The following BTN3A2 variants were observed in gnomAD, a reference collection of about 807,000 sequenced individuals.
BTN3A2 encodes butyrophilin protein.
BTN3A2 carries 25 observed loss-of-function variants against 37.6 expected under a neutral mutation model. That is an observed-to-expected ratio of 0.66 (90% confidence interval 0.48 to 0.93). The LOEUF is 0.93. Among genes scored for constraint, BTN3A2 ranks in the 40% least tolerant of loss-of-function variants. The probability of loss-of-function intolerance (pLI) is 0.00; values close to 1 mark genes in which losing one functional copy is unlikely to be tolerated. For synonymous variants in BTN3A2, 122 were observed against 159.4 expected (o/e 0.77, Z 1.77); for missense variants, 266 against 410.9 (o/e 0.65, Z 3.05).
rs1346051025 is a variant in BTN3A2, at chr6:26,374,373, T to C, written c.*6T>C. On this transcript the variant is annotated splice_region_variant and 3_prime_UTR_variant, in exon 9 of 11. Transcript: ENST00000377708. ...ATACCAATAAGTCAGCCTGATGCTC[T>C]GTAAGTTTGCTGGGTCACATGCCCT... 5 of 1,613,580 alleles carry C rather than the reference T, an allele frequency of 3.1e-6. No homozygotes were observed. In the Admixed American group the frequency reaches 8.3e-5, roughly 27 times the overall value.
intron 9 of BTN3A2, 64 bp from the exon 10 acceptor site, chr6:26,374,707 A>G: frequency 6.9e-7 from 1 of 1,440,396 alleles, no homozygotes; most frequent in Non-Finnish European, 9.7e-7. Flanking sequence ...TAGTGAGAGG[A>G]GAATGGAGTG....
chr6:26,374,147 A>G (rs1227528557), intron 8 of BTN3A2, 180 bp from the exon 9 acceptor site: 1 of 526,688 alleles, frequency 1.9e-6, no homozygotes, highest in Non-Finnish European at 3.3e-6. Context: ...TATTAAGAAG[A>G]GGTGAAGAAA....
chr6:26,378,077 G>A lies in BTN3A2; in HGVS notation c.*2315G>A, dbSNP rs1760808718. Reference sequence around the variant, plus strand: ...TGTAATATTGGTAATTTGGATGAAGGAAGCTAGAAGAATTACAGGGATGTT... The same window carrying A: ...TGTAATATTGGTAATTTGGATGAAGAAAGCTAGAAGAATTACAGGGATGTT... On this transcript the variant is annotated 3_prime_UTR_variant, in exon 11 of 11. Transcript: ENST00000377708. The A allele has an allele frequency of 6.6e-6, 1 of 152,194 alleles. No homozygotes were observed. Among genetic ancestry groups the A allele is most frequent in the Non-Finnish European group, 1.5e-5 (1 of 68,044 alleles). 9.4% of individuals were successfully genotyped at this position (152,194 alleles called of 1,614,324 possible).
chr6:26,366,286 A>G (rs1762054306), intron 1 of BTN3A2, among the ~76,000 whole-genome samples: 2 of 152,228 alleles, frequency 1.3e-5, no homozygotes, highest in Non-Finnish European at 2.9e-5. Context: ...AGCCTTATCC[A>G]TAAATATTTG....
rs68072215 is a variant in BTN3A2 at position 26,377,699 on chromosome 6, T to C, written c.*1937T>C. ...CGTTCTTTTCCAGCCTGATTTTTCC[T>C]GCATGGGAAGAGCCCACATGTAGCC... On this transcript the variant is annotated 3_prime_UTR_variant, in exon 11 of 11. Transcript: ENST00000377708. 0.077 allele frequency: 13,757 copies of C among 179,566 alleles called. 670 individuals are homozygous for C. Among genetic ancestry groups the C allele is most frequent in the East Asian group, 0.12 (784 of 6,664 alleles). 11.1% of individuals were successfully genotyped at this position (179,566 alleles called of 1,614,324 possible). A position where few individuals can be genotyped will look rare whatever the true frequency, so the allele number is the denominator to read the frequency against.
At position 26,368,239 on chromosome 6, in the gene BTN3A2, C is replaced by T. The variant is rs909319462; in HGVS notation, c.57C>T (p.Leu19=). The T allele has an allele frequency of 5.0e-6, 8 of 1,614,248 alleles. No homozygotes were observed. The highest frequency in any genetic ancestry group is 1.7e-5 in the Admixed American group (1 of 60,034). The part of the protein sequence containing the change: ...FLLLNFHVSL[L]LVQLLTPCSA... ...TGCTCAACTTTCATGTCTCCCTCCTCTTGGTCCAGCTGCTCACTCCTTGCT... is the reference window on the plus strand; with the variant it reads ...TGCTCAACTTTCATGTCTCCCTCCTTTTGGTCCAGCTGCTCACTCCTTGCT... The change falls in exon 3 of 11, where the codon CTC becomes CTT. Residue 19 remains leucine, a synonymous_variant. Coordinates refer to ENST00000377708, the MANE Select transcript of BTN3A2 (RefSeq NM_007047.5).
intron 10 of BTN3A2, chr6:26,375,528 C>T: frequency 9.2e-7 from 1 of 1,092,012 alleles, no homozygotes; most frequent in Non-Finnish European, 1.3e-6. Flanking sequence ...CTCCCATTGG[C>T]CAAACACAGC....
At chr6:26,371,367 C>T (rs1276767433) in intron 5 of BTN3A2, among the ~76,000 whole-genome samples, 3 of 152,198 alleles carry the variant, frequency 2.0e-5, no homozygotes, top group Non-Finnish European at 4.4e-5. Context: ...AAAGGGTGCT[C>T]ATTCTCACTC....
At chr6:26,368,366 A>G in intron 3 of BTN3A2, 99 bp downstream of exon 3, 1 of 1,530,430 alleles carries the variant, frequency 6.5e-7, no homozygotes, top group Non-Finnish European at 9.0e-7. Context: ...CCCTCTTAGA[A>G]CCTTTAACTC....
chr6:26,366,022 A>G lies in BTN3A2; in HGVS notation c.-67+670A>G, dbSNP rs943740917. ...AAACCATTTTTGGTATCTTTTAGGG[A>G]TAGTACTTGGTTTTCTTTCCATTCA... On this transcript the variant is annotated intron_variant, in intron 1 of 10. Transcript: ENST00000377708. 2.0e-5 allele frequency among the ~76,000 whole-genome samples: 3 copies of G among 152,122 alleles called. No individual in the cohort carries two copies. The South Asian group carries it at 6.2e-4, about 32-fold the overall frequency.
Position 26,378,258 on chromosome 6 carries a change from C to T in BTN3A2, c.*2496C>T, listed in dbSNP as rs1219249990. The T allele has an allele frequency of 6.6e-6, 1 of 152,216 alleles. No individual in the cohort carries two copies. The highest frequency in any genetic ancestry group is 1.5e-5 in the Non-Finnish European group (1 of 68,052). The allele number at this position is 152,216 out of a possible 1,614,324, so 9.4% of individuals were successfully genotyped here. On this transcript the variant is annotated 3_prime_UTR_variant, in exon 11 of 11. Transcript: ENST00000377708. Reference sequence around the variant, plus strand: ...ATTGCTCACCACTGTATCCCCTCTACTGGGCAAGTGCTTGTCAAGTTCTAG... The same window carrying T: ...ATTGCTCACCACTGTATCCCCTCTATTGGGCAAGTGCTTGTCAAGTTCTAG...
chr6:26,372,171 C>A (rs111981006), intron 5 of BTN3A2, among the ~76,000 whole-genome samples: 11 of 152,026 alleles, frequency 7.2e-5, no homozygotes, highest in Admixed American at 7.2e-4. Context: ...TGCAGAGGGA[C>A]GTGTATAGAA....
rs1267723540 is a variant in BTN3A2 at position 26,374,254 on chromosome 6, C to T, written c.965-73C>T. ...AAAAAAAAAAAAGACTAGATGGATG[C>T]AAAAAGAAGGGGAAGGGGCCAACAC... On this transcript the variant is annotated intron_variant, in intron 8 of 10. Transcript: ENST00000377708. 1.3e-5 allele frequency: 6 copies of T among 453,492 alleles called. No homozygotes were observed. The East Asian group carries it at 2.1e-4, about 16-fold the overall frequency. 28.1% of individuals were successfully genotyped at this position (453,492 alleles called of 1,614,324 possible). A position where few individuals can be genotyped will look rare whatever the true frequency, so the allele number is the denominator to read the frequency against.
chr6:26,373,403 G>C lies in BTN3A2; in HGVS notation c.954G>C (p.Gln318His). 6.2e-7 allele frequency: 1 copy of C among 1,600,474 alleles called. No individual in the cohort carries two copies. Residue 318 changes from glutamine to histidine, a missense_variant, in exon 8 of 11, where the codon CAG becomes CAC. Coordinates refer to ENST00000377708, the MANE Select transcript of BTN3A2 (RefSeq NM_007047.5). ...CCATTGCAGAGAGGAAAAAAATCCA[G>C]TACTTGACTCGTGAGTGGCTTTGAC... ...LQEELKRKKI[Q>H]YLTRGEESSS...
Position 26,365,275 on chromosome 6 carries a change from A to G in BTN3A2, c.-144A>G, listed in dbSNP as rs540937038. On this transcript the variant is annotated 5_prime_UTR_variant, in exon 1 of 11. Transcript: ENST00000377708. ...TTTCTTCCGGATGAGAGGCTAAGCC[A>G]TAATAGAAAGAATGGAGAATTATTG... The G allele has an allele frequency of 4.6e-6, 7 of 1,524,870 alleles. No individual in the cohort carries two copies. In the Admixed American group the frequency reaches 7.8e-5, roughly 17 times the overall value. 94.5% of individuals were successfully genotyped at this position (1,524,870 alleles called of 1,614,324 possible). A position where few individuals can be genotyped will look rare whatever the true frequency, so the allele number is the denominator to read the frequency against.
chr6:26,370,889 T>C (rs1020260217), intron 5 of BTN3A2, among the ~76,000 whole-genome samples: 2 of 152,092 alleles, frequency 1.3e-5, no homozygotes, highest in East Asian at 3.8e-4. Flanking sequence ...AATGACAAAA[T>C]GGTTATATAT....
intron 1 of BTN3A2, among the ~76,000 whole-genome samples, chr6:26,365,726 C>A (rs1443683656): frequency 6.6e-6 from 1 of 152,098 alleles, no homozygotes; most frequent in Non-Finnish European, 1.5e-5. Flanking sequence ...CCCTTAAAAT[C>A]TGTTCTGGCC....
Position 26,376,858 on chromosome 6 carries a change from G to A in BTN3A2, c.*1096G>A. The stretch of plus-strand genomic sequence containing the variant: ...CCGGAGAACGGATACTGGACTATGG[G>A]CCTGACTGATGGGAATAAGTATCGG... On this transcript the variant is annotated 3_prime_UTR_variant, in exon 11 of 11. Transcript: ENST00000377708. The A allele has an allele frequency of 1.9e-6, 3 of 1,614,028 alleles. No homozygotes were observed. The highest frequency in any genetic ancestry group is 1.1e-5 in the South Asian group (1 of 91,078).
chr6:26,375,467 A>G, intron 10 of BTN3A2: 2 of 596,260 alleles, frequency 3.4e-6, no homozygotes, highest in Non-Finnish European at 5.8e-6. Flanking sequence ...GAAGCAGGAA[A>G]TTAAACGGTG....
Sources: gnomAD v4.1 joint callset for allele counts (sites outside exome capture counted in the v4.1 genomes callset) on GRCh38, gnomAD v4.1.1 for gene constraint, MANE v1.5 for transcripts, NCBI Gene and HGNC (gene_info 2026-07-23, HGNC 2026-07-21) for gene names.